BCKDHB: variants seen among roughly 807,000 people sequenced by gnomAD.
BCKDHB encodes the protein 2-oxoisovalerate dehydrogenase subunit beta, mitochondrial.
BCKDHB carries 41 observed loss-of-function variants against 48.5 expected under a neutral mutation model. The ratio of observed to expected loss-of-function variants is 0.85; its 90% CI spans 0.66 to 1.10. The LOEUF (loss-of-function observed/expected upper bound fraction) is 1.10, where lower values mean the gene tolerates loss of function less well. BCKDHB is among the 50% of genes least tolerant of loss of function. The pLI is 0.00. For missense variants in BCKDHB, 496 were observed against 494.2 expected, an observed-to-expected ratio of 1.00 and a Z score of -0.03; for synonymous variants, 201 against 174.8, an observed-to-expected ratio of 1.15 and a Z score of -1.18.
intron 8 of BCKDHB, among the ~76,000 whole-genome samples, chr6:80,244,362 A>G (rs1776518712): frequency 6.6e-6 from 1 of 152,268 alleles, no homozygotes; most frequent in Non-Finnish European, 1.5e-5. Context: ...TTTCAAAAAC[A>G]TGTTAGAAAT....
chr6:80,341,924 C>T (rs1048117612), intron 9 of BCKDHB, among the ~76,000 whole-genome samples: 2 of 152,098 alleles, frequency 1.3e-5, no homozygotes, highest in African/African-American at 2.4e-5. Flanking sequence ...CTCTTTTCAG[C>T]TTATTAGTAG....
intron 9 of BCKDHB, among the ~76,000 whole-genome samples, chr6:80,316,007 T>C (rs1472259915): frequency 1.3e-5 from 2 of 152,196 alleles, no homozygotes; most frequent in Non-Finnish European, 2.9e-5. Context: ...GTTAGAGCCT[T>C]TTAAAAAGTG....
chr6:80,182,619 C>T (rs1418209103), intron 6 of BCKDHB, among the ~76,000 whole-genome samples: 2 of 152,116 alleles, frequency 1.3e-5, no homozygotes, highest in East Asian at 1.9e-4. Flanking sequence ...TCACTTTGAA[C>T]TCCTTTCCTT....
chr6:80,340,042 A>T (rs1311373983), intron 9 of BCKDHB, among the ~76,000 whole-genome samples: 1 of 152,180 alleles, frequency 6.6e-6, no homozygotes, highest in Non-Finnish European at 1.5e-5. Context: ...ATTTGTTAAG[A>T]TGGTTAAATT....
At chr6:80,135,307 A>T (rs1031624700) in intron 3 of BCKDHB, among the ~76,000 whole-genome samples, 8 of 152,068 alleles carry the variant, frequency 5.3e-5, no homozygotes, top group Non-Finnish European at 8.8e-5. Context: ...GGAAGAAAAA[A>T]ACAGGATAAA....
rs1767962624 is a variant in BCKDHB at position 80,307,982 on chromosome 6, A to G, written c.1038+34761A>G. 14 of 911,908 alleles carry G rather than the reference A, an allele frequency of 1.5e-5. No individual in the cohort carries two copies. The South Asian group carries it at 6.1e-4, about 40-fold the overall frequency. The allele number at this position is 911,908 out of a possible 1,614,324, so 56.5% of individuals were successfully genotyped here. ...AAAAATTTTGAATGCCAGATACTGC[A>G]AAGAATTCTACAATCACAACTAAGG... is the stretch of plus-strand genomic sequence containing the variant. On this transcript the variant is annotated intron_variant, in intron 9 of 9. Transcript: ENST00000320393.
intron 2 of BCKDHB, among the ~76,000 whole-genome samples, chr6:80,128,344 A>G (rs1189364050): frequency 6.6e-6 from 1 of 152,106 alleles, no homozygotes; most frequent in African/African-American, 2.4e-5. Flanking sequence ...TTTGTTTTGA[A>G]TGCTACTTGC....
At chr6:80,122,093 G>C (rs560106406) in intron 1 of BCKDHB, among the ~76,000 whole-genome samples, 82 of 152,336 alleles carry the variant, frequency 5.4e-4, no homozygotes, top group African/African-American at 1.7e-3. Flanking sequence ...GGCCTTTTCT[G>C]CATCTATTGA....
At position 80,168,335 on chromosome 6, in the gene BCKDHB, G is replaced by C. The variant is rs370386196; in HGVS notation, c.477+524G>C. On this transcript the variant is annotated intron_variant, in intron 4 of 9. Transcript: ENST00000320393. ...AGAGCGAGAGAGAGGGGAGAGGGAA[G>C]AAGGGAGAGGGGAGAGAGGAGAGGA... Among the ~76,000 whole-genome samples, 247 of 148,824 alleles carry C rather than the reference G, an allele frequency of 1.7e-3. 1 individual carries two copies. The highest frequency in any genetic ancestry group is 5.8e-3 in the African/African-American group (233 of 40,456).
chr6:80,423,168 G>A, the BCKDHB span, among the ~76,000 whole-genome samples: 1 of 151,756 alleles, frequency 6.6e-6, no homozygotes, highest in South Asian at 2.1e-4. Context: ...TGGTTTAAAA[G>A]TGGTAGTGTT....
At chr6:80,220,362 TTTCAA>T in intron 8 of BCKDHB, among the ~76,000 whole-genome samples, 1 of 149,480 alleles carries the variant, frequency 6.7e-6, no homozygotes, top group Non-Finnish European at 1.5e-5. Flanking sequence ...TATACATTTT[TTTCAA>T]GTTATGTTCT....
chr6:80,213,571 C>T (rs1037384937), intron 8 of BCKDHB, among the ~76,000 whole-genome samples: 1 of 152,094 alleles, frequency 6.6e-6, no homozygotes, highest in Admixed American at 6.6e-5. Flanking sequence ...CAAATACACC[C>T]TGTTACAAGA....
intron 9 of BCKDHB, among the ~76,000 whole-genome samples, chr6:80,275,595 G>A (rs918868590): frequency 1.3e-5 from 2 of 151,930 alleles, no homozygotes; most frequent in African/African-American, 4.8e-5. Context: ...AATTTAGTGA[G>A]CATGATATCC....
At chr6:80,247,881 A>T (rs113703267) in intron 8 of BCKDHB, among the ~76,000 whole-genome samples, 1 of 152,240 alleles carries the variant, frequency 6.6e-6, no homozygotes, top group East Asian at 1.9e-4. Context: ...TCTTTCTGCT[A>T]CTTAACATTC....
At chr6:80,260,763 A>G (rs1777265505) in intron 8 of BCKDHB, among the ~76,000 whole-genome samples, 1 of 152,164 alleles carries the variant, frequency 6.6e-6, no homozygotes, top group South Asian at 2.1e-4. Context: ...GGATGTTTAT[A>G]CTGGTAAATA....
the BCKDHB span, among the ~76,000 whole-genome samples, chr6:80,399,784 C>T: frequency 1.3e-5 from 2 of 152,002 alleles, no homozygotes; most frequent in South Asian, 2.1e-4. Context: ...GCCTCAATAG[C>T]GAAGGCAATC....
At chr6:80,238,028 A>G (rs1040717245) in intron 8 of BCKDHB, among the ~76,000 whole-genome samples, 11 of 152,226 alleles carry the variant, frequency 7.2e-5, no homozygotes, top group African/African-American at 2.4e-4. Flanking sequence ...ATAAATTTAT[A>G]AAGCAAAATT....
At chr6:80,458,407 T>C in the BCKDHB span, among the ~76,000 whole-genome samples, 1 of 152,222 alleles carries the variant, frequency 6.6e-6, no homozygotes, top group Non-Finnish European at 1.5e-5. Flanking sequence ...ATGAATGTCT[T>C]AATTTTTCCA....
chr6:80,296,900 C>T (rs1767286367), intron 9 of BCKDHB, among the ~76,000 whole-genome samples: 1 of 152,158 alleles, frequency 6.6e-6, no homozygotes, highest in African/African-American at 2.4e-5. Flanking sequence ...CATTCCCCTG[C>T]CTTCTTATAA....
Sources: gnomAD v4.1 joint callset for allele counts (sites outside exome capture counted in the v4.1 genomes callset) on GRCh38, gnomAD v4.1.1 for gene constraint, MANE v1.5 for transcripts, NCBI Gene and HGNC (gene_info 2026-07-23, HGNC 2026-07-21) for gene names.